The following ICA1L variants were observed in gnomAD, a reference collection of about 807,000 sequenced individuals.
The protein encoded by ICA1L is islet cell autoantigen 1 like, also known as islet cell autoantigen 1-like protein.
Under a neutral mutation model 61.3 loss-of-function variants are expected in ICA1L, and 50 were observed. The ratio of observed to expected loss-of-function variants is 0.82; its 90% CI spans 0.65 to 1.03. ICA1L has a LOEUF of 1.03. Ranked by LOEUF, ICA1L falls within the 50% of genes least tolerant of loss-of-function variation. ICA1L has a pLI of 0.00. For missense variants in ICA1L, 508 were observed against 556.7 expected (o/e 0.91, Z 0.88); for synonymous variants, 161 against 191.3 (o/e 0.84, Z 1.31).
intron 1 of ICA1L, among the ~76,000 whole-genome samples, chr2:202,848,855 C>G (rs894007585): frequency 6.6e-6 from 1 of 151,960 alleles, no homozygotes; most frequent in Admixed American, 6.6e-5. Context: ...GCAAAATGGC[C>G]GAATAGGAAC....
Position 202,773,478 on chromosome 2 carries a change from C to A in ICA1L, c.*6055G>T. 4.0e-6 allele frequency: 1 copy of A among 251,596 alleles called. No individual in the cohort carries two copies. Among genetic ancestry groups the A allele is most frequent in the South Asian group, 7.0e-5 (1 of 14,216 alleles). The allele number at this position is 251,596 out of a possible 1,614,324, so 15.6% of individuals were successfully genotyped here. On this transcript the variant is annotated 3_prime_UTR_variant, in exon 13 of 13. Transcript: ENST00000358299. ...CATGTCAATTAGGGATGTTTATCTC[C>A]AACAAGACACTGTCAAAATGTTTCT...
At chr2:202,800,399 C>T (rs1693058699) in intron 9 of ICA1L, among the ~76,000 whole-genome samples, 1 of 152,164 alleles carries the variant, frequency 6.6e-6, no homozygotes. Flanking sequence ...AAAACCTCCA[C>T]AGGCAAAACT....
intron 1 of ICA1L, chr2:202,840,383 T>A (rs1034128640): frequency 1.4e-5 from 7 of 490,196 alleles, no homozygotes; most frequent in Non-Finnish European, 2.4e-5. Flanking sequence ...ATCGTGGATC[T>A]CAATCTTCTT....
intron 1 of ICA1L, among the ~76,000 whole-genome samples, chr2:202,864,824 GC>G (rs899029402): frequency 2.0e-5 from 3 of 152,100 alleles, no homozygotes; most frequent in Non-Finnish European, 2.9e-5. Context: ...TTCCAGAGGA[GC>G]CTGGCCAACA....
At position 202,817,428 on chromosome 2, in the gene ICA1L, G is replaced by A; in HGVS notation, c.674C>T (p.Thr225Ile). ...SRCNMLSHSL[T>I]TYQRTLLGFW... is the part of the protein sequence containing the mutation. ...CATGGAGGTGGGTACCTGGTAGGTAGTGAGCGAATGAGATAGCATATTGCA... is the reference window on the plus strand; with the variant it reads ...CATGGAGGTGGGTACCTGGTAGGTAATGAGCGAATGAGATAGCATATTGCA... The change falls in exon 6 of 13, where the codon ACT (threonine) becomes ATT (isoleucine). Residue 225 changes from threonine (T) to isoleucine (I), a missense_variant. By Grantham distance (89) the Thr-to-Ile change is moderately conservative (BLOSUM62 -1). Coordinates refer to ENST00000358299, the MANE Select transcript of ICA1L (RefSeq NM_001288622.3). 6.3e-7 allele frequency: 1 copy of A among 1,588,788 alleles called. No individual in the cohort carries two copies. The highest frequency in any genetic ancestry group is 1.1e-5 in the South Asian group (1 of 87,138).
chr2:202,788,946 C>A lies in ICA1L; in HGVS notation c.1127G>T (p.Ser376Ile). ...AGGCTCCTGGGATGTGAGACTGGCA[C>A]TGGGGCTCCCAAAGGCAGTCTGGCA... ...QECQTAFGSP[S>I]ASLTSQEPSM... is the part of the protein sequence containing the mutation. Residue 376 changes from serine (S) to isoleucine (I), a missense_variant, in exon 11 of 13, where the codon AGT (serine) becomes ATT (isoleucine). Transcript: ENST00000358299. The A allele has an allele frequency of 6.2e-7, 1 of 1,614,150 alleles. No homozygotes were observed. Among genetic ancestry groups the A allele is most frequent in the Non-Finnish European group, 8.5e-7 (1 of 1,180,030 alleles).
intron 12 of ICA1L, among the ~76,000 whole-genome samples, chr2:202,781,250 A>G (rs766337485): frequency 6.6e-6 from 1 of 152,112 alleles, no homozygotes; most frequent in Non-Finnish European, 1.5e-5. Flanking sequence ...TCATAAAGTA[A>G]ATACATTCAT....
In ICA1L at chr2:202,776,506, T is replaced by G. The variant is rs983569831; in HGVS notation, c.*3027A>C. 1 of 152,254 alleles carries G rather than the reference T, an allele frequency of 6.6e-6. No homozygotes were observed. The highest frequency in any genetic ancestry group is 2.4e-5 in the African/African-American group (1 of 41,458). The allele number at this position is 152,254 out of a possible 1,614,324, so 9.4% of individuals were successfully genotyped here. ...AAGCAACCAGTCATTCTCTGTTCTG[T>G]GCTTATCCCGTCCTTTCCCTCGTTT... On this transcript the variant is annotated 3_prime_UTR_variant, in exon 13 of 13. Coordinates refer to ENST00000358299, the MANE Select transcript of ICA1L (RefSeq NM_001288622.3).
rs1341563253 is a variant in ICA1L, at chr2:202,779,175, G to T, written c.*358C>A. On this transcript the variant is annotated 3_prime_UTR_variant, in exon 13 of 13. Coordinates refer to ENST00000358299, the MANE Select transcript of ICA1L (RefSeq NM_001288622.3). The stretch of plus-strand genomic sequence containing the variant: ...ATATAAAATTCTCACAGCCAGCAAG[G>T]CAACTTAAAAGGGTTTCCAAAGAAA... 5.7e-6 allele frequency: 1 copy of T among 175,278 alleles called. No individual in the cohort carries two copies. The highest frequency in any genetic ancestry group is 1.2e-5 in the Non-Finnish European group (1 of 83,882). The allele number at this position is 175,278 out of a possible 1,614,324, so 10.9% of individuals were successfully genotyped here.
At chr2:202,796,739 A>G (rs1312450271) in intron 10 of ICA1L, 151 bp downstream of exon 10, 6 of 514,290 alleles carry the variant, frequency 1.2e-5, no homozygotes, top group South Asian at 1.0e-4. Context: ...ATAATTATTT[A>G]ATTTCCATTG....
At position 202,821,444 on chromosome 2, in the gene ICA1L, TAA is replaced by T; in HGVS notation, c.271_272del (p.Leu91LysfsTer53). 6.2e-7 allele frequency: 1 copy of T among 1,612,886 alleles called. No homozygotes were observed. ...SEEENELGLF[L>X]KFQAERDATQ... Reference sequence around the variant, plus strand: ...TTGCATCCCGTTCTGCTTGAAATTTTAAAAAGAGCCCTAGCTCATTTTCTTCC... The same window carrying T: ...TTGCATCCCGTTCTGCTTGAAATTTTAAAGAGCCCTAGCTCATTTTCTTCC... On this transcript the variant is annotated frameshift_variant, in exon 4 of 13. Coordinates refer to ENST00000358299, the MANE Select transcript of ICA1L (RefSeq NM_001288622.3). LOFTEE classifies it high-confidence loss of function.
intron 1 of ICA1L, among the ~76,000 whole-genome samples, chr2:202,829,819 C>T (rs1693964068): frequency 6.6e-6 from 1 of 152,062 alleles, no homozygotes; most frequent in South Asian, 2.1e-4. Flanking sequence ...ATGTTTATTA[C>T]TTTCTAAGTT....
At chr2:202,832,826 A>C (rs1168687374) in intron 1 of ICA1L, among the ~76,000 whole-genome samples, 1 of 152,128 alleles carries the variant, frequency 6.6e-6, no homozygotes, top group Non-Finnish European at 1.5e-5. Context: ...AGCAAACTGA[A>C]GATGGCAGAA....
chr2:202,790,842 C>G (rs1692725180), intron 10 of ICA1L, among the ~76,000 whole-genome samples: 1 of 152,172 alleles, frequency 6.6e-6, no homozygotes, highest in Admixed American at 6.5e-5. Context: ...GGATGACACT[C>G]AGAAAGAAGT....
At position 202,774,875 on chromosome 2, in the gene ICA1L, T is replaced by TA. The variant is rs1692174752; in HGVS notation, c.*4657dup. 6.6e-6 allele frequency: 1 copy of TA among 152,274 alleles called. No individual in the cohort carries two copies. The highest frequency in any genetic ancestry group is 1.5e-5 in the Non-Finnish European group (1 of 68,092). The allele number at this position is 152,274 out of a possible 1,614,324, so 9.4% of individuals were successfully genotyped here. ...AACGTACACTACAAATGTAAAAACA[T>TA]ACACTGCAAAATCTCACCCACAACA... On this transcript the variant is annotated 3_prime_UTR_variant, in exon 13 of 13. Coordinates refer to ENST00000358299, the MANE Select transcript of ICA1L (RefSeq NM_001288622.3).
At chr2:202,823,229 C>T (rs1295351097) in intron 3 of ICA1L, among the ~76,000 whole-genome samples, 1 of 152,174 alleles carries the variant, frequency 6.6e-6, no homozygotes, top group African/African-American at 2.4e-5. Context: ...CCTCCCTGAC[C>T]TGTTCTCCCC....
At chr2:202,871,325 C>T (rs1169174079) in intron 1 of ICA1L, 1 of 152,172 alleles carries the variant, frequency 6.6e-6, no homozygotes, top group Admixed American at 6.5e-5. Context: ...GCCCTTCCGC[C>T]GCAGGGGACC....
chr2:202,787,406 A>G (rs1333685364), intron 11 of ICA1L, among the ~76,000 whole-genome samples: 1 of 152,234 alleles, frequency 6.6e-6, no homozygotes, highest in African/African-American at 2.4e-5. Context: ...CAGTTTGTAA[A>G]TCTTTATAGC....
chr2:202,852,393 G>A (rs1437015422), intron 1 of ICA1L, among the ~76,000 whole-genome samples: 5 of 152,072 alleles, frequency 3.3e-5, no homozygotes, highest in South Asian at 2.1e-4. Flanking sequence ...CATTTCAGCC[G>A]GGTGCGGTGG....
Sources: allele counts gnomAD v4.1 joint callset (sites outside exome capture counted in the v4.1 genomes callset), GRCh38; gene constraint gnomAD v4.1.1; transcripts MANE v1.5; gene names NCBI Gene and HGNC (gene_info 2026-07-23, HGNC 2026-07-21).